Variants in WARS1 observed in about 807,000 individuals in gnomAD.
The protein encoded by WARS1 is tryptophan--tRNA ligase, cytoplasmic.
In WARS1, 17 loss-of-function variants were observed where a neutral mutation model predicts 47.8. The ratio of observed to expected loss-of-function variants is 0.36; its 90% CI spans 0.24 to 0.53. WARS1 has a LOEUF of 0.53. Among genes scored for constraint, WARS1 ranks in the 20% least tolerant of loss-of-function variants. The probability of loss-of-function intolerance (pLI) is 0.91; values close to 1 mark genes in which losing one functional copy is unlikely to be tolerated. For missense variants in WARS1, 434 were observed against 608.0 expected, an observed-to-expected ratio of 0.71 and a Z score of 3.01; for synonymous variants, 208 against 228.1, an observed-to-expected ratio of 0.91 and a Z score of 0.79.
intron 9 of WARS1, among the ~76,000 whole-genome samples, chr14:100,341,653 A>C (rs569362658): frequency 2.0e-5 from 3 of 152,366 alleles, no homozygotes; most frequent in African/African-American, 7.2e-5. Context: ...GGGGCCATGC[A>C]AAATAAGGAA....
At chr14:100,366,533 G>T in intron 2 of WARS1, 1 of 522,830 alleles carries the variant, frequency 1.9e-6, no homozygotes. Context: ...AGAAACTGAG[G>T]TTATAAAGGA....
intron 3 of WARS1, among the ~76,000 whole-genome samples, chr14:100,361,002 T>C (rs1895627107): frequency 6.6e-6 from 1 of 151,954 alleles, no homozygotes; most frequent in Non-Finnish European, 1.5e-5. Context: ...AATAGGTATA[T>C]ATATATATAT....
intron 2 of WARS1, chr14:100,366,555 T>C (rs1896009538): frequency 1.7e-6 from 1 of 602,500 alleles, no homozygotes; most frequent in South Asian, 1.9e-5. Context: ...GTAGAGGACA[T>C]ATGGAAAACT....
At chr14:100,359,739 A>G (rs1028588463) in intron 4 of WARS1, among the ~76,000 whole-genome samples, 1 of 152,234 alleles carries the variant, frequency 6.6e-6, no homozygotes, top group Non-Finnish European at 1.5e-5. Flanking sequence ...AACCTTGTGA[A>G]TATACTAAAA....
At chr14:100,367,581 C>T (rs537689515) in intron 2 of WARS1, among the ~76,000 whole-genome samples, 1 of 122,104 alleles carries the variant, frequency 8.2e-6, no homozygotes, top group East Asian at 2.5e-4. Context: ...GAGTGAGATT[C>T]CATCTCGGGG....
At chr14:100,354,418 T>C (rs1189728786) in intron 5 of WARS1, 29 bp downstream of exon 5, 2 of 1,604,888 alleles carry the variant, frequency 1.2e-6, no homozygotes, top group Non-Finnish European at 1.7e-6. Context: ...ACTAAGAGAG[T>C]AAGAAAAGCC....
At chr14:100,345,634 C>T (rs1479473220) in intron 7 of WARS1, among the ~76,000 whole-genome samples, 2 of 148,330 alleles carry the variant, frequency 1.3e-5, no homozygotes, top group Admixed American at 6.8e-5. Flanking sequence ...TCCCCCTCTG[C>T]GAGAAACACC....
Position 100,373,148 on chromosome 14 carries a change from A to T in WARS1, c.-74+2135T>A, listed in dbSNP as rs1286380373. Among the ~76,000 whole-genome samples, 1 of 152,226 alleles carries T rather than the reference A, an allele frequency of 6.6e-6. No individual in the cohort carries two copies. The highest frequency in any genetic ancestry group is 1.5e-5 in the Non-Finnish European group (1 of 68,050). On this transcript the variant is annotated intron_variant, in intron 1 of 10. Transcript: ENST00000392882. This position sits in a 1 kb window ranked among gnomAD's most constrained non-coding sequence, Gnocchi z 4.4. ...CATGTACCTCTAGTACCTGGCACAC[A>T]GCTTATCAAAAAATATTTACCTAAT...
intron 7 of WARS1, among the ~76,000 whole-genome samples, chr14:100,345,159 G>A (rs1894507390): frequency 6.7e-6 from 1 of 150,294 alleles, no homozygotes; most frequent in Admixed American, 6.6e-5. Context: ...CCACCACCCC[G>A]TCTGGGAGGT....
At chr14:100,365,884 G>A (rs1169049626) in intron 2 of WARS1, 2 of 378,250 alleles carry the variant, frequency 5.3e-6, no homozygotes, top group Non-Finnish European at 1.1e-5. Context: ...GGAAATACTG[G>A]AAGGTGACCG....
chr14:100,367,416 C>G (rs60798303), intron 2 of WARS1, among the ~76,000 whole-genome samples: 1 of 151,690 alleles, frequency 6.6e-6, no homozygotes, highest in African/African-American at 2.4e-5. Flanking sequence ...AGTGAAACCC[C>G]GTCTCTACTA....
At chr14:100,366,659 C>T (rs925891001) in intron 2 of WARS1, 9 of 772,594 alleles carry the variant, frequency 1.2e-5, no homozygotes, top group Admixed American at 1.7e-5. Context: ...GCATGGACAT[C>T]GTAAAATGGA....
chr14:100,367,370 A>C (rs1223727473), intron 2 of WARS1, among the ~76,000 whole-genome samples: 1 of 152,018 alleles, frequency 6.6e-6, no homozygotes, highest in Non-Finnish European at 1.5e-5. Context: ...TGGGCAGATC[A>C]TGAGGTCAGG....
chr14:100,346,509 A>G (rs1894628150), intron 7 of WARS1, among the ~76,000 whole-genome samples: 1 of 152,222 alleles, frequency 6.6e-6, no homozygotes, highest in South Asian at 2.1e-4. Flanking sequence ...AGAGAGGGAC[A>G]GACTCACATC....
At chr14:100,366,647 G>T in intron 2 of WARS1, 1 of 767,346 alleles carries the variant, frequency 1.3e-6, no homozygotes, top group South Asian at 1.4e-5. Context: ...ACATGGACAT[G>T]AGCATGGACA....
intron 8 of WARS1, 90 bp downstream of exon 8, chr14:100,343,185 T>C: frequency 8.7e-7 from 1 of 1,146,598 alleles, no homozygotes; most frequent in South Asian, 1.6e-5. Flanking sequence ...CTGCCCATCA[T>C]ATCTTTCAAT....
chr14:100,336,301 G>T (rs112684660), intron 10 of WARS1, among the ~76,000 whole-genome samples: 3 of 139,182 alleles, frequency 2.2e-5, no homozygotes, highest in African/African-American at 5.1e-5. Flanking sequence ...AGAAAGAAAT[G>T]AGGGTCTTGC....
intron 4 of WARS1, among the ~76,000 whole-genome samples, chr14:100,355,683 CA>C (rs762385607): frequency 6.6e-6 from 1 of 152,268 alleles, no homozygotes; most frequent in East Asian, 1.9e-4. Flanking sequence ...ATCTAGAGAA[CA>C]GTATTCTGAA....
chr14:100,366,043 G>A (rs187683226), intron 2 of WARS1: 2 of 455,932 alleles, frequency 4.4e-6, no homozygotes, highest in South Asian at 1.5e-5. Context: ...CTCTCCCCTC[G>A]GCCAAGGGAG....
Sources: gnomAD v4.1 joint callset for allele counts (sites outside exome capture counted in the v4.1 genomes callset) on GRCh38, gnomAD v4.1.1 for gene constraint, Gnocchi (gnomAD v3.1) non-coding constraint, MANE v1.5 for transcripts, NCBI Gene and HGNC (gene_info 2026-07-23, HGNC 2026-07-21) for gene names.